The following TMEM117 variants were observed in gnomAD, a reference collection of about 807,000 sequenced individuals.
TMEM117 encodes the protein transmembrane protein 117.
In TMEM117, 27 loss-of-function variants were observed where a neutral mutation model predicts 52.4. The ratio of observed to expected loss-of-function variants is 0.51; its 90% CI spans 0.38 to 0.71. The LOEUF is 0.71. Ranked by LOEUF, TMEM117 falls within the 30% of genes least tolerant of loss-of-function variation. TMEM117 has a pLI of 0.00. For missense variants in TMEM117, 556 were observed against 630.5 expected (o/e 0.88, Z 1.26); for synonymous variants, 215 against 206.3 (o/e 1.04, Z -0.36).
At chr12:44,186,059 A>G (rs1200380677) in intron 4 of TMEM117, among the ~76,000 whole-genome samples, 7 of 152,226 alleles carry the variant, frequency 4.6e-5, no homozygotes, top group African/African-American at 1.4e-4. Context: ...AACATATCCA[A>G]TAGAAATTCC....
chr12:44,328,633 A>G (rs1418724998), intron 6 of TMEM117, among the ~76,000 whole-genome samples: 2 of 152,126 alleles, frequency 1.3e-5, no homozygotes, highest in Non-Finnish European at 2.9e-5. Context: ...TGGAATTTAG[A>G]TGTTTTCCCC....
intron 3 of TMEM117, among the ~76,000 whole-genome samples, chr12:44,097,818 C>A (rs1390145277): frequency 1.3e-5 from 2 of 150,556 alleles, no homozygotes; most frequent in Non-Finnish European, 2.9e-5. Context: ...ATGTAACAAA[C>A]CTGCACATTG....
chr12:44,297,383 G>C (rs938120367), intron 5 of TMEM117, among the ~76,000 whole-genome samples: 1 of 152,146 alleles, frequency 6.6e-6, no homozygotes, highest in Non-Finnish European at 1.5e-5. Context: ...CAATAGAATA[G>C]ACACTGGCTA....
At chr12:43,846,096 C>G (rs1943203262) in intron 2 of TMEM117, among the ~76,000 whole-genome samples, 2 of 151,936 alleles carry the variant, frequency 1.3e-5, no homozygotes, top group South Asian at 4.1e-4. Context: ...CTTTTACTCT[C>G]TCTCTCTTTT....
chr12:43,996,225 T>TA (rs1946027670), intron 3 of TMEM117, among the ~76,000 whole-genome samples: 1 of 152,230 alleles, frequency 6.6e-6, no homozygotes, highest in Non-Finnish European at 1.5e-5. Context: ...CGCATTTTCT[T>TA]ACAGTGATTT....
At chr12:44,328,478 A>G (rs1951224611) in intron 6 of TMEM117, among the ~76,000 whole-genome samples, 1 of 152,192 alleles carries the variant, frequency 6.6e-6, no homozygotes, top group Non-Finnish European at 1.5e-5. Context: ...ATAACTCTAC[A>G]AGAAAACTGC....
intron 3 of TMEM117, among the ~76,000 whole-genome samples, chr12:43,951,186 C>T (rs1322161727): frequency 6.6e-6 from 1 of 152,208 alleles, no homozygotes; most frequent in Non-Finnish European, 1.5e-5. Context: ...CCTACACCAC[C>T]AGGGCCCTGG....
Position 44,027,159 on chromosome 12 carries a change from ATTTTATTTTAT to A in TMEM117, c.410+82821_410+82831del, listed in dbSNP as rs1284050506. Among the ~76,000 whole-genome samples the A allele has an allele frequency of 1.4e-4, 17 of 123,918 alleles. No homozygotes were observed. In the East Asian group the frequency reaches 3.2e-3, roughly 24 times the overall value. The allele number at this position is 123,918 out of a possible 152,430, so 81.3% of individuals were successfully genotyped here. Reference sequence around the variant, plus strand: ...ATTTTATTTTATTTTATTTTATTTTATTTTATTTTATTTTATTTTATTTTATTTTATTTTAT... The same window carrying A: ...ATTTTATTTTATTTTATTTTATTTTATTTATTTTATTTTATTTTATTTTAT... On this transcript the variant is annotated intron_variant, in intron 3 of 7. Coordinates refer to ENST00000266534, the MANE Select transcript of TMEM117 (RefSeq NM_032256.3).
chr12:44,154,849 C>T (rs978172074), intron 4 of TMEM117, among the ~76,000 whole-genome samples: 3 of 151,220 alleles, frequency 2.0e-5, no homozygotes, highest in African/African-American at 7.3e-5. Context: ...GCATACTTTA[C>T]TTTCTTAGCC....
chr12:43,994,215 C>T (rs1011810535), intron 3 of TMEM117, among the ~76,000 whole-genome samples: 2 of 152,182 alleles, frequency 1.3e-5, no homozygotes, highest in Non-Finnish European at 2.9e-5. Flanking sequence ...AGTTTCCATG[C>T]TCTTTCCAGA....
chr12:44,175,453 T>C (rs1311642312), intron 4 of TMEM117, among the ~76,000 whole-genome samples: 1 of 152,044 alleles, frequency 6.6e-6, no homozygotes, highest in Non-Finnish European at 1.5e-5. Context: ...GAGTTTGAGA[T>C]GGCTGAAAGA....
At position 43,979,050 on chromosome 12, in the gene TMEM117, G is replaced by A. The variant is rs188720535; in HGVS notation, c.410+34708G>A. ...TAAATGCCTGAGAGAGTCTAGGGTT[G>A]TATTGCCTTTTGGGATAGAAAACAG... On this transcript the variant is annotated intron_variant, in intron 3 of 7. Coordinates refer to ENST00000266534, the MANE Select transcript of TMEM117 (RefSeq NM_032256.3). Among the ~76,000 whole-genome samples, 85 of 151,790 alleles carry A rather than the reference G, an allele frequency of 5.6e-4. No homozygotes were observed. The South Asian group carries it at 0.017, about 31-fold the overall frequency.
chr12:44,355,466 C>T (rs1405925512), intron 6 of TMEM117, among the ~76,000 whole-genome samples: 1 of 151,954 alleles, frequency 6.6e-6, no homozygotes, highest in Non-Finnish European at 1.5e-5. Flanking sequence ...TGATTAGATA[C>T]ATCTGGAGAG....
the TMEM117 span, among the ~76,000 whole-genome samples, chr12:43,798,029 G>GTTT: frequency 6.6e-6 from 1 of 152,130 alleles, no homozygotes; most frequent in Non-Finnish European, 1.5e-5. Flanking sequence ...TTACGACAAT[G>GTTT]TTGGAAGTGA....
intron 2 of TMEM117, among the ~76,000 whole-genome samples, chr12:43,846,651 A>G (rs191178268): frequency 1.1e-3 from 169 of 152,332 alleles, no homozygotes; most frequent in Middle Eastern, 3.4e-3. Context: ...CTAAACAAAT[A>G]AATGTATACT....
At position 44,299,128 on chromosome 12, in the gene TMEM117, A is replaced by ATTTTT. The variant is rs375671360; in HGVS notation, c.609-436_609-432dup. ...AACTGCTTTTGATAGAAGGCATTTA[A>ATTTTT]TTTTTTTTTTTTTTTTTTTTGAGAT... On this transcript the variant is annotated intron_variant, in intron 5 of 7. Coordinates refer to ENST00000266534, the MANE Select transcript of TMEM117 (RefSeq NM_032256.3). Among the ~76,000 whole-genome samples, 123 of 125,402 alleles carry ATTTTT rather than the reference A, an allele frequency of 9.8e-4. 1 individual carries two copies. Among genetic ancestry groups the ATTTTT allele is most frequent in the Non-Finnish European group, 1.7e-3 (104 of 62,642 alleles). The allele number at this position is 125,402 out of a possible 152,430, so 82.3% of individuals were successfully genotyped here. A position where few individuals can be genotyped will look rare whatever the true frequency, so the allele number is the denominator to read the frequency against.
At chr12:43,945,325 G>A (rs1317184690) in intron 3 of TMEM117, among the ~76,000 whole-genome samples, 1 of 152,086 alleles carries the variant, frequency 6.6e-6, no homozygotes, top group East Asian at 1.9e-4. Flanking sequence ...TTCTCAGTAA[G>A]TTTATTTGAG....
intron 4 of TMEM117, among the ~76,000 whole-genome samples, chr12:44,188,280 T>C (rs1479303834): frequency 6.6e-6 from 1 of 152,204 alleles, no homozygotes; most frequent in African/African-American, 2.4e-5. Context: ...GCTTTGCCTT[T>C]CTGCTTATCT....
chr12:44,257,837 A>G lies in TMEM117; in HGVS notation c.609-41743A>G, dbSNP rs540711013. On this transcript the variant is annotated intron_variant, in intron 5 of 7. Transcript: ENST00000266534. ...GAAAATATGGTGTTTCTATTTTTAA[A>G]TAAAGTATATATTATGCACATATGT... 2.2e-4 allele frequency among the ~76,000 whole-genome samples: 34 copies of G among 152,270 alleles called. No homozygotes were observed. In the South Asian group the frequency reaches 6.2e-3, roughly 28 times the overall value.
Sources: allele counts gnomAD v4.1 joint callset (sites outside exome capture counted in the v4.1 genomes callset), GRCh38; gene constraint gnomAD v4.1.1; transcripts MANE v1.5; gene names NCBI Gene and HGNC (gene_info 2026-07-23, HGNC 2026-07-21).